Variants in JAK2 observed in about 807,000 individuals in gnomAD.
JAK2 encodes tyrosine-protein kinase JAK2.
Under a neutral mutation model 139.3 loss-of-function variants are expected in JAK2, and 86 were observed. That is an observed-to-expected ratio of 0.62 (90% CI 0.52 to 0.74). The LOEUF is 0.74. JAK2 is among the 30% of genes least tolerant of loss of function. The pLI, the probability that JAK2 is intolerant of heterozygous loss-of-function variation, is 0.00. For synonymous variants in JAK2, 490 were observed against 437.7 expected (o/e 1.12, Z -1.49); for missense variants, 1,421 against 1,360.3 (o/e 1.04, Z -0.70).
At chr9:5,002,728 T>C (rs1344892338) in intron 2 of JAK2, among the ~76,000 whole-genome samples, 2 of 151,966 alleles carry the variant, frequency 1.3e-5, no homozygotes, top group Non-Finnish European at 2.9e-5. Flanking sequence ...TATTGAAATT[T>C]TTAGTGTAAT....
chr9:5,122,953 G>C (rs766318605), intron 22 of JAK2, 51 bp from the exon 23 acceptor site: 2 of 1,093,506 alleles, frequency 1.8e-6, no homozygotes, highest in South Asian at 3.0e-5. Flanking sequence ...GTAAAATCAA[G>C]AGTCCACATA....
chr9:5,110,790 C>T (rs781505883), intron 22 of JAK2: 8 of 407,466 alleles, frequency 2.0e-5, no homozygotes, highest in Non-Finnish European at 3.8e-5. Context: ...GGGCCCGGGC[C>T]ACGCGCGACG....
intron 16 of JAK2, among the ~76,000 whole-genome samples, chr9:5,079,622 C>A (rs535500960): frequency 1.2e-3 from 177 of 151,614 alleles, no homozygotes; most frequent in African/African-American, 4.1e-3. Context: ...TATCATGGGG[C>A]AATTTTAGGA....
chr9:5,114,158 G>T (rs946024893), intron 22 of JAK2: 4 of 418,324 alleles, frequency 9.6e-6, no homozygotes, highest in Non-Finnish European at 1.9e-5. Flanking sequence ...ACAGTGCCAA[G>T]AAGTGTGCAG....
chr9:5,010,191 C>T lies in JAK2; in HGVS notation c.-25-11772C>T, dbSNP rs550443834. ...GCTGATAGCACCTTTTCTTATTTGT[C>T]GGAGCCGCCATGAATTCGTTTATAT... On this transcript the variant is annotated intron_variant, in intron 2 of 24. Coordinates refer to ENST00000381652, the MANE Select transcript of JAK2 (RefSeq NM_004972.4). Among the ~76,000 whole-genome samples the T allele has an allele frequency of 2.6e-5, 4 of 152,302 alleles. No homozygotes were observed. In the East Asian group the frequency reaches 5.8e-4, roughly 22 times the overall value.
At chr9:5,081,884 AATAGAGT>A (rs754197768) in intron 19 of JAK2, 23 bp downstream of exon 19, 2 of 1,583,466 alleles carry the variant, frequency 1.3e-6, no homozygotes, top group Non-Finnish European at 1.7e-6. Flanking sequence ...AATTTTTTCA[AATAGAGT>A]ATAATCATTT....
In JAK2 at chr9:5,129,472, C is replaced by G. The variant is rs964404319; in HGVS notation, c.*2681C>G. ...CCTAATTCTTGTACTGAAATTATTT[C>G]TCATGAAAGTTTCTCTAATATTTCT... is the stretch of plus-strand genomic sequence containing the variant. On this transcript the variant is annotated 3_prime_UTR_variant, in exon 25 of 25. Transcript: ENST00000381652. 6.6e-6 allele frequency among the ~76,000 whole-genome samples: 1 copy of G among 151,966 alleles called. No homozygotes were observed. Among genetic ancestry groups the G allele is most frequent in the African/African-American group, 2.4e-5 (1 of 41,380 alleles).
chr9:5,057,473 T>A (rs1235467956), intron 8 of JAK2, among the ~76,000 whole-genome samples: 1 of 152,024 alleles, frequency 6.6e-6, no homozygotes, highest in Non-Finnish European at 1.5e-5. Context: ...CACTTTTGCA[T>A]CCAATTTCCA....
At position 5,118,806 on chromosome 9, in the gene JAK2, G is replaced by A. The variant is rs1823400079; in HGVS notation, c.3060-4198G>A. Among the ~76,000 whole-genome samples, 2 of 152,016 alleles carry A rather than the reference G, an allele frequency of 1.3e-5. 1 individual carries two copies. Among genetic ancestry groups the A allele is most frequent in the African/African-American group, 4.8e-5 (2 of 41,408 alleles). On this transcript the variant is annotated intron_variant, in intron 22 of 24. Coordinates refer to ENST00000381652, the MANE Select transcript of JAK2 (RefSeq NM_004972.4). The stretch of plus-strand genomic sequence containing the variant: ...TACCATTAAAAATTATCTGTTATTG[G>A]GCAGTTTCATTTGATCAGATCCATT...
At chr9:5,049,936 T>C (rs750005468) in intron 5 of JAK2, among the ~76,000 whole-genome samples, 2 of 152,166 alleles carry the variant, frequency 1.3e-5, no homozygotes, top group Non-Finnish European at 1.5e-5. Flanking sequence ...ATAAAAAAGA[T>C]ACAGTAAAAA....
chr9:5,050,807 C>T lies in JAK2; in HGVS notation c.590C>T (p.Pro197Leu), dbSNP rs1319313254. ...ATAGCCAAAGAAAACGATCAAACCC[C>T]ACTGGCCATCTATAACTCTATCAGG... ...MRIAKENDQT[P>L]LAIYNSISYK... is the part of the protein sequence containing the mutation. The change falls in exon 6 of 25, where the codon CCA becomes CTA. Residue 197 changes from proline (P) to leucine (L), a missense_variant. By Grantham distance (98) the Pro-to-Leu change is moderately conservative. Transcript: ENST00000381652. 6.2e-7 allele frequency: 1 copy of T among 1,613,544 alleles called. No individual in the cohort carries two copies. Among genetic ancestry groups the T allele is most frequent in the Non-Finnish European group, 8.5e-7 (1 of 1,179,628 alleles).
chr9:5,072,170 A>G (rs1818995086), intron 12 of JAK2, among the ~76,000 whole-genome samples: 1 of 152,204 alleles, frequency 6.6e-6, no homozygotes, highest in African/African-American at 2.4e-5. Flanking sequence ...GGAAAGGCAA[A>G]GAAAATGATT....
intron 2 of JAK2, among the ~76,000 whole-genome samples, chr9:5,018,224 T>C (rs1293162129): frequency 6.6e-6 from 1 of 152,226 alleles, no homozygotes; most frequent in Non-Finnish European, 1.5e-5. Context: ...TTTTCTATAG[T>C]GATAACATTT....
chr9:5,103,191 T>G lies in JAK2; in HGVS notation c.3059+12280T>G, dbSNP rs949943270. Among the ~76,000 whole-genome samples, 4 of 81,648 alleles carry G rather than the reference T, an allele frequency of 4.9e-5. No individual in the cohort carries two copies. In the Admixed American group the frequency reaches 5.9e-4, roughly 12 times the overall value. The allele number at this position is 81,648 out of a possible 152,430, so 53.6% of individuals were successfully genotyped here. A position where few individuals can be genotyped will look rare whatever the true frequency, so the allele number is the denominator to read the frequency against. ...AACACATGGGCTCAAAATAAAGGGA[T>G]GGAGGAAGATCTACCAAGCAAAGGG... On this transcript the variant is annotated intron_variant, in intron 22 of 24. Transcript: ENST00000381652.
chr9:5,126,268 A>C (rs1823989085), intron 23 of JAK2, 65 bp from the exon 24 acceptor site: 1 of 1,168,308 alleles, frequency 8.6e-7, no homozygotes, highest in African/African-American at 1.6e-5. Context: ...TGACTGGAGG[A>C]AATTGAGAAA....
At chr9:5,090,664 G>C (rs1287141054) in intron 21 of JAK2, 75 bp from the exon 22 acceptor site, 9 of 1,516,562 alleles carry the variant, frequency 5.9e-6, no homozygotes, top group Non-Finnish European at 8.0e-6. Flanking sequence ...ATAATAAAGG[G>C]AATATATAGG....
chr9:5,127,749 T>A lies in JAK2; in HGVS notation c.*958T>A, dbSNP rs760162707. 5 of 232,512 alleles carry A rather than the reference T, an allele frequency of 2.2e-5. No individual in the cohort carries two copies. Among genetic ancestry groups the A allele is most frequent in the Non-Finnish European group, 4.3e-5 (5 of 117,290 alleles). The allele number at this position is 232,512 out of a possible 1,614,324, so 14.4% of individuals were successfully genotyped here. A position where few individuals can be genotyped will look rare whatever the true frequency, so the allele number is the denominator to read the frequency against. On this transcript the variant is annotated 3_prime_UTR_variant, in exon 25 of 25. Transcript: ENST00000381652. ...TTAAGCCATAAAATAGATTAGATTG[T>A]TTTTTAAAAATGGATAGCTCATTAA...
rs138836455 is a variant in JAK2 at position 5,106,865 on chromosome 9, C to G, written c.3059+15954C>G. ...GTTGAACAATGAGAACACTTGGACA[C>G]ATGGCAGGGAACATCACACAAAGGG... is the stretch of plus-strand genomic sequence containing the variant. On this transcript the variant is annotated intron_variant, in intron 22 of 24. Transcript: ENST00000381652. Among the ~76,000 whole-genome samples the G allele has an allele frequency of 9.2e-4, 140 of 152,204 alleles. 1 individual carries two copies. Among genetic ancestry groups the G allele is most frequent in the African/African-American group, 3.1e-3 (130 of 41,488 alleles).
chr9:5,087,285 GTGCCAGCAGGAGAAA>G (rs1327486188), intron 19 of JAK2, among the ~76,000 whole-genome samples: 4 of 152,210 alleles, frequency 2.6e-5, no homozygotes, highest in African/African-American at 7.2e-5. Flanking sequence ...GAGAGAATGA[GTGCCAGCAGGAGAAA>G]TGCCAGATGC....
Sources: allele counts gnomAD v4.1 joint callset (sites outside exome capture counted in the v4.1 genomes callset), GRCh38; gene constraint gnomAD v4.1.1; transcripts MANE v1.5; gene names NCBI Gene and HGNC (gene_info 2026-07-23, HGNC 2026-07-21).